The following RAVER2 variants were observed in gnomAD, a reference collection of about 807,000 sequenced individuals.
RAVER2 encodes ribonucleoprotein, PTB binding 2.
A neutral mutation model predicts 78.1 loss-of-function variants in RAVER2; 46 were observed. That is an observed-to-expected ratio of 0.59 (90% CI 0.46 to 0.75). RAVER2 has a LOEUF of 0.75. Among genes scored for constraint, RAVER2 ranks in the 30% least tolerant of loss-of-function variants. RAVER2 has a pLI of 0.00. For missense variants in RAVER2, 793 were observed against 837.5 expected, an observed-to-expected ratio of 0.95 and a Z score of 0.66; for synonymous variants, 311 against 313.3, an observed-to-expected ratio of 0.99 and a Z score of 0.08.
exon 12 of RAVER2, chr1:64,830,975 G>A (rs369165912): frequency 8.1e-6 from 13 of 1,613,106 alleles, no homozygotes; most frequent in South Asian, 1.1e-5. Context: ...AAAAAGAAGC[G>A]AGTATACTGA....
chr1:64,760,123 C>T (rs2100812599), intron 1 of RAVER2, among the ~76,000 whole-genome samples: 1 of 146,874 alleles, frequency 6.8e-6, no homozygotes, highest in East Asian at 2.0e-4. Context: ...AAAAAAAAAG[C>T]CTGTGGAAAC....
intron 1 of RAVER2, among the ~76,000 whole-genome samples, chr1:64,763,474 C>A (rs762832460): frequency 6.6e-6 from 1 of 152,104 alleles, no homozygotes; most frequent in African/African-American, 2.4e-5. Context: ...ACCATTCCCA[C>A]CAGAATGGCC....
chr1:64,786,581 A>G (rs1488226823), intron 4 of RAVER2, among the ~76,000 whole-genome samples: 1 of 152,192 alleles, frequency 6.6e-6, no homozygotes, highest in Non-Finnish European at 1.5e-5. Context: ...ACCTGAGGTC[A>G]GGAGTTTGAG....
intron 1 of RAVER2, among the ~76,000 whole-genome samples, chr1:64,753,488 G>T: frequency 6.7e-6 from 1 of 148,296 alleles, no homozygotes; most frequent in African/African-American, 2.5e-5. Flanking sequence ...TTGAAGTCTT[G>T]ATCCAACGTC....
intron 5 of RAVER2, among the ~76,000 whole-genome samples, chr1:64,800,018 G>A (rs754424437): frequency 2.0e-5 from 3 of 151,906 alleles, no homozygotes; most frequent in Non-Finnish European, 4.4e-5. Context: ...GATTACTGAT[G>A]TTGAACATTT....
At chr1:64,804,965 T>C in intron 7 of RAVER2, 26 bp from the exon 8 acceptor site, 2 of 1,605,188 alleles carry the variant, frequency 1.2e-6, no homozygotes, top group South Asian at 2.2e-5. Context: ...TGGCCATGGG[T>C]CTTACCTTTT....
chr1:64,776,019 C>CAAA (rs34578439), intron 2 of RAVER2, among the ~76,000 whole-genome samples: 2 of 87,462 alleles, frequency 2.3e-5, no homozygotes, highest in Non-Finnish European at 4.8e-5. Context: ...ACTCTTGTCT[C>CAAA]AAAAAAAAAA....
chr1:64,754,889 G>A (rs575937161), intron 1 of RAVER2, among the ~76,000 whole-genome samples: 1 of 152,236 alleles, frequency 6.6e-6, no homozygotes, highest in South Asian at 2.1e-4. Flanking sequence ...TGAGGGTTTG[G>A]GTAGTGATCC....
intron 3 of RAVER2, among the ~76,000 whole-genome samples, chr1:64,779,892 C>A (rs2100836951): frequency 6.6e-6 from 1 of 151,808 alleles, no homozygotes; most frequent in South Asian, 2.1e-4. Context: ...CAAAATACTT[C>A]AAAAGAGTGG....
intron 1 of RAVER2, among the ~76,000 whole-genome samples, chr1:64,760,863 A>G (rs1227637114): frequency 6.6e-6 from 1 of 152,134 alleles, no homozygotes. Flanking sequence ...TGAATATTTT[A>G]TAGATTTTGT....
At chr1:64,764,719 A>G (rs1184869055) in intron 1 of RAVER2, among the ~76,000 whole-genome samples, 1 of 152,220 alleles carries the variant, frequency 6.6e-6, no homozygotes, top group Non-Finnish European at 1.5e-5. Context: ...GAGGCTGGCA[A>G]GTCCAAAATG....
At chr1:64,830,030 A>G (rs1286868964) in intron 11 of RAVER2, among the ~76,000 whole-genome samples, 2 of 152,202 alleles carry the variant, frequency 1.3e-5, no homozygotes, top group Non-Finnish European at 2.9e-5. Context: ...TTTTAATTGC[A>G]ACGTGAGAAG....
At chr1:64,809,016 A>G (rs968884373) in intron 9 of RAVER2, among the ~76,000 whole-genome samples, 2 of 152,190 alleles carry the variant, frequency 1.3e-5, no homozygotes, top group Non-Finnish European at 2.9e-5. Flanking sequence ...GTGAAGAAGA[A>G]TTCAGGAGAA....
At chr1:64,768,114 G>A (rs951260763) in intron 1 of RAVER2, among the ~76,000 whole-genome samples, 7 of 151,626 alleles carry the variant, frequency 4.6e-5, no homozygotes, top group South Asian at 2.1e-4. Flanking sequence ...TTTTTTCTAC[G>A]TTTGTGCTCT....
chr1:64,749,837 G>A (rs7527854), intron 1 of RAVER2, among the ~76,000 whole-genome samples: 3,402 of 152,030 alleles, frequency 0.022, 146 homozygotes, highest in African/African-American at 0.078. Context: ...ATTGTATTAC[G>A]GTTAACCTGG....
chr1:64,821,665 G>A (rs1185057843), intron 11 of RAVER2, among the ~76,000 whole-genome samples: 1 of 152,084 alleles, frequency 6.6e-6, no homozygotes, highest in Admixed American at 6.6e-5. Flanking sequence ...AAAGCAATGG[G>A]GTAAAGACTC....
chr1:64,779,676 T>C (rs1652576393), intron 3 of RAVER2, among the ~76,000 whole-genome samples: 1 of 151,990 alleles, frequency 6.6e-6, no homozygotes, highest in African/African-American at 2.4e-5. Flanking sequence ...TCTTCTTGAA[T>C]ACTAAGAATT....
intron 11 of RAVER2, among the ~76,000 whole-genome samples, chr1:64,821,749 C>T (rs772616823): frequency 6.6e-6 from 1 of 152,110 alleles, no homozygotes; most frequent in Non-Finnish European, 1.5e-5. Context: ...CTTCCTTACA[C>T]CATATACAAA....
At chr1:64,799,494 G>A (rs575974230) in intron 5 of RAVER2, among the ~76,000 whole-genome samples, 6 of 152,286 alleles carry the variant, frequency 3.9e-5, no homozygotes, top group African/African-American at 1.4e-4. Context: ...TCAGGCTGGA[G>A]TGCAGTGGCA....
Sources: allele counts gnomAD v4.1 joint callset (sites outside exome capture counted in the v4.1 genomes callset), GRCh38; gene constraint gnomAD v4.1.1; transcripts MANE v1.5; gene names NCBI Gene and HGNC (gene_info 2026-07-23, HGNC 2026-07-21).